SEMA4D: variants seen among roughly 807,000 people sequenced by gnomAD.
SEMA4D encodes semaphorin 4D, also known as semaphorin-4D.
A neutral mutation model predicts 74.8 loss-of-function variants in SEMA4D; 22 were observed. The observed-to-expected ratio is 0.29, with a 90% CI of 0.21 to 0.42. SEMA4D has a LOEUF of 0.42. Ranked by LOEUF, SEMA4D falls within the 10% of genes least tolerant of loss-of-function variation. SEMA4D has a pLI of 1.00. For missense variants in SEMA4D, 937 were observed against 1,118.4 expected, an observed-to-expected ratio of 0.84 and a Z score of 2.31; for synonymous variants, 445 against 463.7, an observed-to-expected ratio of 0.96 and a Z score of 0.52.
rs959065439 is a variant in SEMA4D at position 89,492,721 on chromosome 9, C to T, written c.-310+5198G>A. The stretch of plus-strand genomic sequence containing the variant: ...GCAACAGCCCTCATGGGATCCATCA[C>T]AGTCCTGTTGGCTCCGTCTTCGCAG... On this transcript the variant is annotated intron_variant, in intron 1 of 15. Transcript: ENST00000422704. The surrounding 1 kb of genome is among the most constrained non-coding windows in gnomAD (Gnocchi z 4.3). 6.6e-6 allele frequency among the ~76,000 whole-genome samples: 1 copy of T among 152,210 alleles called. No homozygotes were observed. Among genetic ancestry groups the T allele is most frequent in the Non-Finnish European group, 1.5e-5 (1 of 68,034 alleles).
At chr9:89,384,567 G>A (rs539789113) in intron 13 of SEMA4D, 1 of 744,690 alleles carries the variant, frequency 1.3e-6, no homozygotes, top group South Asian at 6.1e-5. Context: ...CAGTGGTAAT[G>A]GCTGCAAAAC....
At chr9:89,419,166 C>T (rs750415566) in intron 2 of SEMA4D, among the ~76,000 whole-genome samples, 3 of 152,152 alleles carry the variant, frequency 2.0e-5, no homozygotes, top group African/African-American at 4.8e-5. Context: ...GCAAATGAAC[C>T]GCGAGGGCAG....
At chr9:89,426,890 T>C (rs931743686) in intron 2 of SEMA4D, among the ~76,000 whole-genome samples, 3 of 152,092 alleles carry the variant, frequency 2.0e-5, no homozygotes, top group African/African-American at 7.2e-5. Context: ...GTGCTAAAAA[T>C]AGACAATGTG....
chr9:89,363,798 C>G lies in SEMA4D; in HGVS notation c.2035G>C (p.Val679Leu), dbSNP rs771619778. 10 of 1,613,900 alleles carry G rather than the reference C, an allele frequency of 6.2e-6. No homozygotes were observed. In the East Asian group the frequency reaches 2.2e-4, roughly 36 times the overall value. ...GTCTTGTTCCCTGCTGAGGAGAGGACAGAGCAGCGATACTCAGCGCTTTCC... is the reference window on the plus strand; with the variant it reads ...GTCTTGTTCCCTGCTGAGGAGAGGAGAGAGCAGCGATACTCAGCGCTTTCC... The change falls in exon 17 of 19, where the codon GTC (valine) becomes CTC (leucine). Residue 679 changes from valine to leucine, a missense_variant. Physicochemically the swap from Val to Leu is conservative, Grantham distance 32. Coordinates refer to the SEMA4D transcript ENST00000339861.
intron 2 of SEMA4D, chr9:89,449,689 C>T: frequency 6.6e-7 from 1 of 1,516,728 alleles, no homozygotes; most frequent in Non-Finnish European, 9.1e-7. Context: ...TCAGGTGTGT[C>T]AGTACTGAGC....
At chr9:89,467,739 T>C (rs1388464104) in intron 1 of SEMA4D, among the ~76,000 whole-genome samples, 1 of 151,406 alleles carries the variant, frequency 6.6e-6, no homozygotes, top group Admixed American at 6.6e-5. Flanking sequence ...ACCACGTTGG[T>C]CAGGCTGGTC....
intron 2 of SEMA4D, among the ~76,000 whole-genome samples, chr9:89,424,554 T>C (rs1847706881): frequency 6.6e-6 from 1 of 152,178 alleles, no homozygotes; most frequent in African/African-American, 2.4e-5. Context: ...CTCTTTTTTT[T>C]CAGAACCTTG....
At position 89,363,522 on chromosome 9, in the gene SEMA4D, T is replaced by TC; in HGVS notation, c.2097dup (p.Thr700AspfsTer35). ...TCTCTGGTCCACCTCTCCTGGTGGG[T>TC]CACTTCTGGAAAACAAGCAGGGTCC... On this transcript the variant is annotated frameshift_variant, in exon 18 of 19. Transcript: ENST00000339861. LOFTEE classifies it high-confidence loss of function. The TC allele has an allele frequency of 6.2e-7, 1 of 1,614,000 alleles. No homozygotes were observed. Among genetic ancestry groups the TC allele is most frequent in the Non-Finnish European group, 8.5e-7 (1 of 1,180,010 alleles).
At chr9:89,418,540 T>C in intron 2 of SEMA4D, 2 of 452,930 alleles carry the variant, frequency 4.4e-6, no homozygotes, top group Non-Finnish European at 5.8e-6. Flanking sequence ...GAAACACATA[T>C]GGCATAATTA....
chr9:89,361,520 C>T (rs1234349275), exon 19 of SEMA4D: 3 of 152,214 alleles, frequency 2.0e-5, no homozygotes, highest in Admixed American at 6.5e-5. Context: ...TTCACACACA[C>T]AGTGACACAG....
At chr9:89,393,157 G>A (rs564272809) in intron 7 of SEMA4D, among the ~76,000 whole-genome samples, 2 of 152,304 alleles carry the variant, frequency 1.3e-5, no homozygotes, top group South Asian at 4.1e-4. Flanking sequence ...AAGTAAACAT[G>A]AGCAAGGAAT....
chr9:89,487,926 A>G (rs2136242078), intron 1 of SEMA4D, among the ~76,000 whole-genome samples: 1 of 152,314 alleles, frequency 6.6e-6, no homozygotes, highest in South Asian at 2.1e-4. Context: ...TTTTTCCCAA[A>G]TTGATCTAAG....
chr9:89,484,056 C>T lies in SEMA4D; in HGVS notation c.-310+13863G>A, dbSNP rs1322805681. ...GGGACAACCCCACTAAGGAAGAGGG[C>T]GGGCCCCACTGAGGCTGCGCACAAG... On this transcript the variant is annotated intron_variant, in intron 1 of 15. Coordinates refer to ENST00000422704, the MANE Select transcript of SEMA4D (RefSeq NM_001371194.2). This position sits in a 1 kb window ranked among gnomAD's most constrained non-coding sequence, Gnocchi z 4.1. Among the ~76,000 whole-genome samples, 1 of 152,206 alleles carries T rather than the reference C, an allele frequency of 6.6e-6. No individual in the cohort carries two copies. The highest frequency in any genetic ancestry group is 1.5e-5 in the Non-Finnish European group (1 of 68,034).
intron 1 of SEMA4D, among the ~76,000 whole-genome samples, chr9:89,494,368 T>C (rs1426033191): frequency 6.6e-6 from 1 of 152,082 alleles, no homozygotes; most frequent in African/African-American, 2.4e-5. Context: ...CTGCTTTCAC[T>C]CAGGGCTGAG....
intron 1 of SEMA4D, among the ~76,000 whole-genome samples, chr9:89,476,301 G>C (rs1044953621): frequency 9.2e-5 from 14 of 152,202 alleles, no homozygotes; most frequent in Non-Finnish European, 1.8e-4. Flanking sequence ...GCATGCCACG[G>C]GGCCCGTGCA....
intron 2 of SEMA4D, among the ~76,000 whole-genome samples, chr9:89,433,811 G>T (rs1175898110): frequency 6.6e-6 from 1 of 152,186 alleles, no homozygotes; most frequent in Non-Finnish European, 1.5e-5. Flanking sequence ...CCGGGGCTCA[G>T]ACAGTATCTC....
chr9:89,478,121 C>T (rs559659470), intron 1 of SEMA4D, among the ~76,000 whole-genome samples: 1 of 152,204 alleles, frequency 6.6e-6, no homozygotes, highest in African/African-American at 2.4e-5. Context: ...CTCCGCCCAC[C>T]AGGGCCACCA....
At chr9:89,466,629 T>C (rs779033280) in intron 1 of SEMA4D, among the ~76,000 whole-genome samples, 3 of 146,982 alleles carry the variant, frequency 2.0e-5, no homozygotes, top group Non-Finnish European at 4.6e-5. Flanking sequence ...CTCACCTGCA[T>C]GTGCACACTC....
chr9:89,446,674 G>A (rs1398487038), intron 2 of SEMA4D, among the ~76,000 whole-genome samples: 3 of 152,260 alleles, frequency 2.0e-5, no homozygotes, highest in South Asian at 2.1e-4. Flanking sequence ...CCCTCAGCAG[G>A]GGTGTGGGCC....
Sources: allele counts gnomAD v4.1 joint callset (sites outside exome capture counted in the v4.1 genomes callset), GRCh38; gene constraint gnomAD v4.1.1; non-coding constraint Gnocchi (gnomAD v3.1); transcripts MANE v1.5; gene names NCBI Gene and HGNC (gene_info 2026-07-23, HGNC 2026-07-21).